Variants in DLC1 observed in about 807,000 individuals in gnomAD.
DLC1 encodes the protein DLC1 Rho GTPase activating protein.
A neutral mutation model predicts 140.3 loss-of-function variants in DLC1; 54 were observed. That is an observed-to-expected ratio of 0.38 (90% CI 0.31 to 0.48). The LOEUF is 0.48. DLC1 is among the 20% of genes least tolerant of loss of function. The pLI is 0.96. For synonymous variants in DLC1, 986 were observed against 728.1 expected, an observed-to-expected ratio of 1.35 and a Z score of -5.70; for missense variants, 2,536 against 1,907.0, an observed-to-expected ratio of 1.33 and a Z score of -6.14.
chr8:13,119,948 A>C (rs909752018), intron 5 of DLC1, among the ~76,000 whole-genome samples: 21 of 150,172 alleles, frequency 1.4e-4, no homozygotes, highest in African/African-American at 4.8e-4. Flanking sequence ...AAATTTTTAA[A>C]AATGAGATTT....
At chr8:13,381,383 C>G (rs1836246919) in intron 4 of DLC1, among the ~76,000 whole-genome samples, 1 of 152,164 alleles carries the variant, frequency 6.6e-6, no homozygotes. Context: ...GGTGTGGTAG[C>G]TAATCTGCAA....
At chr8:13,135,572 A>AAAT (rs35305577) in intron 5 of DLC1, among the ~76,000 whole-genome samples, 21,273 of 152,162 alleles carry the variant, frequency 0.14, 1,643 homozygotes, top group Non-Finnish European at 0.17. Flanking sequence ...CAAACTTAAA[A>AAAT]AATAAGAGTG....
At chr8:13,514,545 T>C (rs1257403103) in intron 1 of DLC1, 57 bp downstream of exon 1, 1 of 398,348 alleles carries the variant, frequency 2.5e-6, no homozygotes. Context: ...TTTATCTCAA[T>C]CTTTCTGCCT....
chr8:13,460,744 C>T (rs767630840), intron 2 of DLC1, among the ~76,000 whole-genome samples: 4 of 152,244 alleles, frequency 2.6e-5, no homozygotes, highest in Non-Finnish European at 5.9e-5. Context: ...AAAGGAGTTA[C>T]TACACATGTG....
intron 13 of DLC1, among the ~76,000 whole-genome samples, 182 bp from the exon 14 acceptor site, chr8:13,091,614 C>T (rs954597347): frequency 3.3e-5 from 5 of 152,042 alleles, no homozygotes; most frequent in African/African-American, 1.2e-4. Flanking sequence ...TTGTCAACAA[C>T]ACACAAAAAA....
At chr8:13,162,356 C>T (rs892549927) in intron 5 of DLC1, among the ~76,000 whole-genome samples, 2 of 152,102 alleles carry the variant, frequency 1.3e-5, no homozygotes, top group African/African-American at 2.4e-5. Flanking sequence ...AAGTGTTGCT[C>T]TTGGAGCCCA....
At chr8:13,397,402 G>C (rs932144419) in intron 3 of DLC1, among the ~76,000 whole-genome samples, 1 of 152,168 alleles carries the variant, frequency 6.6e-6, no homozygotes, top group Non-Finnish European at 1.5e-5. Context: ...GAAGCCAGGA[G>C]AGCAGTGAAA....
chr8:13,346,962 A>G (rs938745800), intron 4 of DLC1, among the ~76,000 whole-genome samples: 22 of 152,234 alleles, frequency 1.4e-4, no homozygotes, highest in Non-Finnish European at 2.9e-5. Context: ...ATTCTGAGAG[A>G]GAGTCCACAT....
At chr8:13,086,515 T>C (rs1171612369) in intron 16 of DLC1, 52 bp from the exon 17 acceptor site, 2 of 1,592,528 alleles carry the variant, frequency 1.3e-6, no homozygotes, top group African/African-American at 2.7e-5. Context: ...AGAAGCCAAG[T>C]TTAAAATCGT....
chr8:13,474,591 A>G (rs1453976268), intron 2 of DLC1, among the ~76,000 whole-genome samples: 1 of 152,170 alleles, frequency 6.6e-6, no homozygotes, highest in Admixed American at 6.5e-5. Context: ...AGCCCGTGAA[A>G]GCAGCTGGGA....
At chr8:13,495,954 A>C (rs1368304897) in intron 2 of DLC1, among the ~76,000 whole-genome samples, 2 of 152,244 alleles carry the variant, frequency 1.3e-5, no homozygotes, top group African/African-American at 4.8e-5. Flanking sequence ...TGATTCAATC[A>C]CATGATTATC....
At chr8:13,258,685 A>G (rs762302322) in intron 5 of DLC1, among the ~76,000 whole-genome samples, 6 of 152,192 alleles carry the variant, frequency 3.9e-5, no homozygotes, top group African/African-American at 7.2e-5. Flanking sequence ...TCAATGGCCT[A>G]TGTAGCCTGT....
upstream of DLC1, among the ~76,000 whole-genome samples, chr8:13,515,191 C>T (rs564530930): frequency 6.6e-6 from 1 of 152,292 alleles, no homozygotes; most frequent in African/African-American, 2.4e-5. Context: ...AATCAAAATG[C>T]CTGTGCTTGC....
Position 13,096,643 on chromosome 8 carries a change from A to C in DLC1, c.3168-1398T>G, listed in dbSNP as rs532114542. 1.2e-4 allele frequency among the ~76,000 whole-genome samples: 18 copies of C among 152,264 alleles called. 1 individual carries two copies. Among genetic ancestry groups the C allele is most frequent in the Middle Eastern group, 3.4e-3 (1 of 294 alleles). On this transcript the variant is annotated intron_variant, in intron 10 of 17. Coordinates refer to ENST00000276297, the MANE Select transcript of DLC1 (RefSeq NM_182643.3). ...AATACTTATTTCTGTCATTCAGAAC[A>C]AACAACTTCTGTATTTAGCAAGGCT...
intron 5 of DLC1, among the ~76,000 whole-genome samples, chr8:13,238,668 C>T (rs1434013408): frequency 6.6e-6 from 1 of 152,130 alleles, no homozygotes; most frequent in Non-Finnish European, 1.5e-5. Context: ...TGAGGATCAG[C>T]CTAGATTTCA....
intron 5 of DLC1, among the ~76,000 whole-genome samples, chr8:13,224,530 A>G (rs1489184587): frequency 2.6e-5 from 4 of 152,208 alleles, no homozygotes; most frequent in African/African-American, 9.6e-5. Context: ...CACAGGTCTT[A>G]ACGTGTGTAT....
At chr8:13,090,574 A>G in intron 14 of DLC1, 104 bp from the exon 15 acceptor site, 1 of 1,356,264 alleles carries the variant, frequency 7.4e-7, no homozygotes, top group Non-Finnish European at 1.0e-6. Flanking sequence ...TGGTCCTTAA[A>G]GCAGTGCAGG....
At chr8:13,287,164 C>T (rs1831561239) in intron 5 of DLC1, among the ~76,000 whole-genome samples, 1 of 152,202 alleles carries the variant, frequency 6.6e-6, no homozygotes, top group Non-Finnish European at 1.5e-5. Context: ...GAAACTCTGA[C>T]TCTAACTTTC....
chr8:13,320,967 C>G (rs1420958717), intron 4 of DLC1, among the ~76,000 whole-genome samples: 1 of 152,182 alleles, frequency 6.6e-6, no homozygotes, highest in East Asian at 1.9e-4. Context: ...CTTCTGCCAC[C>G]AGTGGAAGAG....
Sources: gnomAD v4.1 joint callset for allele counts (sites outside exome capture counted in the v4.1 genomes callset) on GRCh38, gnomAD v4.1.1 for gene constraint, MANE v1.5 for transcripts, NCBI Gene and HGNC (gene_info 2026-07-23, HGNC 2026-07-21) for gene names.